Variants in ENTREP1 observed in about 807,000 individuals in gnomAD.
The protein encoded by ENTREP1 is endosomal transmembrane epsin interactor 1.
chr9:69,388,592 G>GGA, the ENTREP1 span: 1 of 628,712 alleles, frequency 1.6e-6, no homozygotes, highest in African/African-American at 1.8e-5. Flanking sequence ...TTCTGGGGAG[G>GGA]GAGACAGAGG....
At chr9:69,383,779 T>G in the ENTREP1 span, 3 of 1,613,880 alleles carry the variant, frequency 1.9e-6, 1 homozygote, top group South Asian at 3.3e-5. Flanking sequence ...GTCCTGAATC[T>G]CTCTAAGTAC....
the ENTREP1 span, among the ~76,000 whole-genome samples, chr9:69,342,721 C>A: frequency 6.6e-6 from 1 of 152,242 alleles, no homozygotes; most frequent in African/African-American, 2.4e-5. Flanking sequence ...TTGATAAAAT[C>A]TCCAAGAGAA....
At chr9:69,360,870 A>T in the ENTREP1 span, among the ~76,000 whole-genome samples, 1 of 149,714 alleles carries the variant, frequency 6.7e-6, no homozygotes, top group Non-Finnish European at 1.5e-5. Flanking sequence ...TATTAAAAAC[A>T]CATTTAAAAA....
the ENTREP1 span, among the ~76,000 whole-genome samples, chr9:69,332,267 G>A: frequency 1.3e-5 from 2 of 152,284 alleles, no homozygotes; most frequent in African/African-American, 2.4e-5. Flanking sequence ...CCTTTGTTGC[G>A]GGGTTCAGGA....
At chr9:69,388,171 C>T in the ENTREP1 span, 4 of 1,614,124 alleles carry the variant, frequency 2.5e-6, no homozygotes, top group South Asian at 3.3e-5. Flanking sequence ...CCCCAGTGCT[C>T]AGCTGTGAAG....
chr9:69,353,440 C>T, the ENTREP1 span, among the ~76,000 whole-genome samples: 1 of 152,180 alleles, frequency 6.6e-6, no homozygotes, highest in Non-Finnish European at 1.5e-5. Context: ...ATTCTATATT[C>T]AACTATTCAA....
chr9:69,391,816 C>T, the ENTREP1 span: 5 of 1,579,006 alleles, frequency 3.2e-6, no homozygotes, highest in Admixed American at 1.8e-5. Flanking sequence ...CCCTGGAAGA[C>T]AGAAGGCCAC....
chr9:69,377,750 G>A, the ENTREP1 span: 148 of 1,606,630 alleles, frequency 9.2e-5, no homozygotes, highest in Middle Eastern at 1.9e-4. Context: ...CGCAGGTATC[G>A]TTCCTGAGTT....
the ENTREP1 span, chr9:69,325,219 C>T: frequency 9.6e-7 from 1 of 1,045,484 alleles, no homozygotes; most frequent in South Asian, 4.5e-5. Context: ...GTCTGCAGTG[C>T]CCAGTGTGCT....
chr9:69,332,449 T>G, the ENTREP1 span, among the ~76,000 whole-genome samples: 1 of 152,242 alleles, frequency 6.6e-6, no homozygotes, highest in African/African-American at 2.4e-5. Flanking sequence ...ATCCATAGAC[T>G]TGGTATATGC....
the ENTREP1 span, among the ~76,000 whole-genome samples, chr9:69,362,061 A>T: frequency 5.9e-5 from 9 of 152,286 alleles, no homozygotes; most frequent in East Asian, 1.5e-3. Context: ...AATAGGTTTT[A>T]AAATAAAAGT....
the ENTREP1 span, among the ~76,000 whole-genome samples, chr9:69,340,612 C>CAT: frequency 3.3e-4 from 39 of 116,538 alleles, no homozygotes; most frequent in African/African-American, 1.4e-3. Flanking sequence ...TGTGTGTGTG[C>CAT]ATGTGTGTGT....
At chr9:69,376,402 A>G in the ENTREP1 span, among the ~76,000 whole-genome samples, 1,533 of 152,286 alleles carry the variant, frequency 0.01, 34 homozygotes, top group African/African-American at 0.035. Flanking sequence ...CAACTATAAT[A>G]AGCCAAAGGT....
the ENTREP1 span, among the ~76,000 whole-genome samples, chr9:69,354,226 C>T: frequency 2.0e-5 from 3 of 147,224 alleles, no homozygotes; most frequent in South Asian, 4.3e-4. Flanking sequence ...CAGTAAGTCC[C>T]TCTTTCTCTT....
chr9:69,346,983 G>A, the ENTREP1 span, among the ~76,000 whole-genome samples: 7 of 152,244 alleles, frequency 4.6e-5, no homozygotes, highest in Non-Finnish European at 8.8e-5. Context: ...AGATTCTTTG[G>A]TGTCTGACGG....
At chr9:69,383,579 A>G in the ENTREP1 span, 3 of 1,609,766 alleles carry the variant, frequency 1.9e-6, 1 homozygote, top group South Asian at 2.2e-5. Flanking sequence ...CACTGCAGTC[A>G]CGTGGCCAGT....
At chr9:69,325,710 G>A in the ENTREP1 span, 1 of 1,229,496 alleles carries the variant, frequency 8.1e-7, no homozygotes, top group Non-Finnish European at 1.0e-6. Context: ...TGCCCGTTCT[G>A]GGCCGGCTCC....
chr9:69,372,685 CT>C, the ENTREP1 span, among the ~76,000 whole-genome samples: 2 of 152,082 alleles, frequency 1.3e-5, no homozygotes, highest in South Asian at 2.1e-4. Flanking sequence ...GGTTTTAATT[CT>C]TTTGGATATA....
chr9:69,334,722 C>A, the ENTREP1 span, among the ~76,000 whole-genome samples: 1 of 151,810 alleles, frequency 6.6e-6, no homozygotes, highest in Non-Finnish European at 1.5e-5. Context: ...AAAGGGCTGA[C>A]CTTGGTTTCC....
Sources: gnomAD v4.1 joint callset for allele counts (sites outside exome capture counted in the v4.1 genomes callset) on GRCh38, gnomAD v4.1.1 for gene constraint, MANE v1.5 for transcripts, NCBI Gene and HGNC (gene_info 2026-07-23, HGNC 2026-07-21) for gene names.